Variants in TM9SF4 observed in about 807,000 individuals in gnomAD.
TM9SF4 encodes transmembrane 9 superfamily member 4, also known as dinucleotide oxidase disulfide thiol exchanger 3 superfamily member 4.
In TM9SF4, 26 loss-of-function variants were observed where a neutral mutation model predicts 90.4. The ratio of observed to expected loss-of-function variants is 0.29; its 90% CI spans 0.21 to 0.40. TM9SF4 has a LOEUF of 0.40. Ranked by LOEUF, TM9SF4 falls within the 10% of genes least tolerant of loss-of-function variation. TM9SF4 has a pLI of 1.00. For missense variants in TM9SF4, 549 were observed against 834.8 expected (o/e 0.66, Z 4.22); for synonymous variants, 293 against 315.4 (o/e 0.93, Z 0.75).
At chr20:32,162,020 C>T (rs1210268683) in intron 17 of TM9SF4, among the ~76,000 whole-genome samples, 1 of 152,100 alleles carries the variant, frequency 6.6e-6, no homozygotes, top group African/African-American at 2.4e-5. Flanking sequence ...CTCATTGTCC[C>T]GAGAGAGAGA....
chr20:32,113,867 A>G (rs1261905127), intron 1 of TM9SF4, among the ~76,000 whole-genome samples: 1 of 152,188 alleles, frequency 6.6e-6, no homozygotes, highest in Non-Finnish European at 1.5e-5. Context: ...TTCTGTCCCT[A>G]TAGATTTGCC....
intron 13 of TM9SF4, 53 bp downstream of exon 13, chr20:32,155,239 G>A (rs2046902402): frequency 6.8e-7 from 1 of 1,463,392 alleles, no homozygotes; most frequent in African/African-American, 1.4e-5. Flanking sequence ...AGGACCAGTT[G>A]CACTCAGCCC....
chr20:32,147,241 G>C (rs2046776710), intron 9 of TM9SF4, among the ~76,000 whole-genome samples: 1 of 152,076 alleles, frequency 6.6e-6, no homozygotes, highest in African/African-American at 2.4e-5. Flanking sequence ...GCCTCCGAAA[G>C]TACTGGGATT....
rs767057018 is a variant in TM9SF4 at position 32,160,011 on chromosome 20, T to TCTCTCAA, written c.1591_1592insCTCAACT (p.Tyr531SerfsTer64). 6.2e-7 allele frequency: 1 copy of TCTCTCAA among 1,614,230 alleles called. No homozygotes were observed. Among genetic ancestry groups the TCTCTCAA allele is most frequent in the Non-Finnish European group, 8.5e-7 (1 of 1,180,044 alleles). ...CCACAGGCTATCTGGGAGAATCAGT[T>TCTCTCAA]CTATTACCTCTTTGGCTTCCTGTTC... is the stretch of plus-strand genomic sequence containing the variant. On this transcript the variant is annotated frameshift_variant, in exon 16 of 18. Coordinates refer to ENST00000398022, the MANE Select transcript of TM9SF4 (RefSeq NM_014742.4). LOFTEE classifies it high-confidence loss of function.
At chr20:32,150,512 G>A (rs996339170) in intron 10 of TM9SF4, 110 bp from the exon 11 acceptor site, 39 of 1,272,330 alleles carry the variant, frequency 3.1e-5, no homozygotes, top group Non-Finnish European at 4.3e-5. Context: ...TCTGCCCAGA[G>A]TCCTCCTGTC....
In TM9SF4 at chr20:32,150,657, C is replaced by T. The variant is rs925333589; in HGVS notation, c.1123C>T (p.Arg375Trp). 5 of 1,614,112 alleles carry T rather than the reference C, an allele frequency of 3.1e-6. No individual in the cohort carries two copies. The Admixed American group carries it at 5.0e-5, about 16-fold the overall frequency. ...GCTTGGGATGCTGTCGCCCTCCAGC[C>T]GGGGAGCTCTCATGACCACAGCCTG... is the stretch of plus-strand genomic sequence containing the variant. ...AMLGMLSPSS[R>W]GALMTTACFL... The change falls in exon 11 of 18, where the codon CGG (arginine) becomes TGG (tryptophan). Residue 375 changes from arginine (R) to tryptophan (W), a missense_variant. Transcript: ENST00000398022.
At chr20:32,160,163 G>T (rs2046993825) in intron 16 of TM9SF4, 52 bp downstream of exon 16, 2 of 1,612,038 alleles carry the variant, frequency 1.2e-6, no homozygotes, top group Non-Finnish European at 1.7e-6. Context: ...ATCCAGCATT[G>T]AACGGGTTGA....
intron 2 of TM9SF4, among the ~76,000 whole-genome samples, chr20:32,135,823 AG>A (rs2046587280): frequency 6.6e-6 from 1 of 152,204 alleles, no homozygotes; most frequent in Non-Finnish European, 1.5e-5. Flanking sequence ...TGCTGTGTCA[AG>A]GGATAGTAGC....
chr20:32,140,631 T>C (rs574378205), intron 3 of TM9SF4, among the ~76,000 whole-genome samples: 2 of 152,308 alleles, frequency 1.3e-5, no homozygotes, highest in South Asian at 2.1e-4. Flanking sequence ...TGTAACCCTG[T>C]GAGGTGGATA....
intron 13 of TM9SF4, among the ~76,000 whole-genome samples, chr20:32,156,422 C>T (rs1364519371): frequency 1.3e-5 from 2 of 152,134 alleles, no homozygotes; most frequent in Non-Finnish European, 2.9e-5. Flanking sequence ...GGATTGGTTC[C>T]AGGACCCCTG....
chr20:32,132,927 A>G lies in TM9SF4; in HGVS notation c.16-86A>G. 2 of 1,209,616 alleles carry G rather than the reference A, an allele frequency of 1.7e-6. 1 individual carries two copies. 74.9% of individuals were successfully genotyped at this position (1,209,616 alleles called of 1,614,324 possible). On this transcript the variant is annotated intron_variant, in intron 1 of 17. Coordinates refer to ENST00000398022, the MANE Select transcript of TM9SF4 (RefSeq NM_014742.4). Reference sequence around the variant, plus strand: ...TGGCTACACTGGGTCAATTAAAGCAACATGAAGGTGGTATGACTTGATCTG... The same window carrying G: ...TGGCTACACTGGGTCAATTAAAGCAGCATGAAGGTGGTATGACTTGATCTG...
chr20:32,156,694 C>T (rs1396553756), intron 13 of TM9SF4, among the ~76,000 whole-genome samples: 1 of 152,120 alleles, frequency 6.6e-6, no homozygotes, highest in African/African-American at 2.4e-5. Flanking sequence ...GCAACCTCTG[C>T]CTCCCGGGCT....
chr20:32,135,255 T>C (rs895428057), intron 2 of TM9SF4, among the ~76,000 whole-genome samples: 7 of 152,222 alleles, frequency 4.6e-5, no homozygotes, highest in Admixed American at 6.5e-5. Flanking sequence ...GAATATATCA[T>C]AGTTTATTGA....
intron 9 of TM9SF4, among the ~76,000 whole-genome samples, chr20:32,148,352 G>A (rs1355292610): frequency 3.3e-5 from 5 of 152,070 alleles, no homozygotes; most frequent in African/African-American, 2.4e-5. Flanking sequence ...TGTGAACTAA[G>A]CATCTTTCCA....
chr20:32,119,691 TATA>T (rs1192219482), intron 1 of TM9SF4, among the ~76,000 whole-genome samples: 1 of 152,062 alleles, frequency 6.6e-6, no homozygotes, highest in Non-Finnish European at 1.5e-5. Flanking sequence ...TTTAATTTAT[TATA>T]ATTTTTTTAA....
chr20:32,110,324 C>T lies in TM9SF4; in HGVS notation c.15+569C>T, dbSNP rs2046124163. On this transcript the variant is annotated intron_variant, in intron 1 of 17. Transcript: ENST00000398022. ...CAGAGCTTGCCTTCACCTACCCCAC[C>T]CCCATCTTTCATCCCTAGAGGCTTC... 2.0e-5 allele frequency among the ~76,000 whole-genome samples: 3 copies of T among 152,272 alleles called. No individual in the cohort carries two copies. In the South Asian group the frequency reaches 6.2e-4, roughly 32 times the overall value.
intron 13 of TM9SF4, among the ~76,000 whole-genome samples, chr20:32,156,975 T>C (rs965318246): frequency 1.5e-5 from 2 of 131,336 alleles, no homozygotes; most frequent in African/African-American, 6.5e-5. Flanking sequence ...AGTCTCACTC[T>C]CTCACTCTGT....
chr20:32,145,453 G>T (rs1349870913), intron 8 of TM9SF4, 30 bp downstream of exon 8: 6 of 1,597,160 alleles, frequency 3.8e-6, no homozygotes, highest in Non-Finnish European at 5.2e-6. Flanking sequence ...AGGGAAAGGG[G>T]ATGGGGGTTG....
intron 17 of TM9SF4, among the ~76,000 whole-genome samples, chr20:32,163,259 AAAAAAAAAAATATATAT>A (rs1445269223): frequency 2.2e-5 from 2 of 89,230 alleles, no homozygotes; most frequent in African/African-American, 9.0e-5. Context: ...AAAAAAAAAA[AAAAAAAAAAATATATAT>A]ATATATATAT....
Sources: allele counts gnomAD v4.1 joint callset (sites outside exome capture counted in the v4.1 genomes callset), GRCh38; gene constraint gnomAD v4.1.1; transcripts MANE v1.5; gene names NCBI Gene and HGNC (gene_info 2026-07-23, HGNC 2026-07-21).